PIGK: variants seen among roughly 807,000 people sequenced by gnomAD.
PIGK encodes the protein phosphatidylinositol glycan anchor biosynthesis class K.
Under a neutral mutation model 50.6 loss-of-function variants are expected in PIGK, and 42 were observed. That is an observed-to-expected ratio of 0.83 (90% CI 0.65 to 1.07). PIGK has a LOEUF of 1.07. PIGK is among the 50% of genes least tolerant of loss of function. The pLI, the probability that PIGK is intolerant of heterozygous loss-of-function variation, is 0.00. For missense variants in PIGK, 448 were observed against 488.7 expected, an observed-to-expected ratio of 0.92 and a Z score of 0.78; for synonymous variants, 151 against 156.0, an observed-to-expected ratio of 0.97 and a Z score of 0.24.
intron 10 of PIGK, among the ~76,000 whole-genome samples, chr1:77,103,437 A>T (rs970245843): frequency 6.6e-6 from 1 of 152,214 alleles, no homozygotes; most frequent in African/African-American, 2.4e-5. Flanking sequence ...AATCAGAGTT[A>T]TGCTTCCACC....
intron 3 of PIGK, among the ~76,000 whole-genome samples, chr1:77,199,477 G>T (rs1450913849): frequency 6.6e-6 from 1 of 151,924 alleles, no homozygotes; most frequent in African/African-American, 2.4e-5. Context: ...ATTGTACATT[G>T]CAAATTATTT....
chr1:77,217,244 AC>A (rs1656589092), intron 1 of PIGK, among the ~76,000 whole-genome samples: 1 of 152,208 alleles, frequency 6.6e-6, no homozygotes. Context: ...ATAAGGAAAG[AC>A]ACACAATATA....
chr1:77,138,360 A>G (rs1359447578), intron 9 of PIGK, among the ~76,000 whole-genome samples: 1 of 152,212 alleles, frequency 6.6e-6, no homozygotes, highest in Non-Finnish European at 1.5e-5. Context: ...CTGCCTTTGG[A>G]GGGGCCATGA....
intron 9 of PIGK, among the ~76,000 whole-genome samples, chr1:77,137,600 T>A (rs181726828): frequency 1.4e-5 from 2 of 141,400 alleles, no homozygotes; most frequent in South Asian, 3.3e-4. Context: ...CTTTTATTTG[T>A]ATTTTATTTT....
intron 10 of PIGK, among the ~76,000 whole-genome samples, chr1:77,117,805 G>A (rs902088666): frequency 1.3e-5 from 2 of 151,460 alleles, no homozygotes. Flanking sequence ...TTTCATTTTA[G>A]TAGTGTTCTT....
chr1:77,209,942 T>C (rs764883950), intron 2 of PIGK, among the ~76,000 whole-genome samples: 1 of 152,046 alleles, frequency 6.6e-6, no homozygotes, highest in Non-Finnish European at 1.5e-5. Flanking sequence ...TTGAAGCCAT[T>C]TTCCCTGTCT....
At chr1:77,127,540 T>C (rs893018504) in intron 9 of PIGK, among the ~76,000 whole-genome samples, 7 of 152,066 alleles carry the variant, frequency 4.6e-5, no homozygotes, top group African/African-American at 1.7e-4. Context: ...CACAAATAAA[T>C]AAACATAAAA....
At chr1:77,116,246 C>G (rs1011137922) in intron 10 of PIGK, among the ~76,000 whole-genome samples, 1 of 151,904 alleles carries the variant, frequency 6.6e-6, no homozygotes, top group Non-Finnish European at 1.5e-5. Flanking sequence ...AGCAGTGGCA[C>G]GATCTCGGCT....
rs1307084351 is a variant in PIGK, at chr1:77,108,364, C to G, written c.1071+13911G>C. Among the ~76,000 whole-genome samples the G allele has an allele frequency of 9.9e-5, 15 of 152,048 alleles. 1 individual carries two copies. The highest frequency in any genetic ancestry group is 3.3e-4 in the Admixed American group (5 of 15,264). On this transcript the variant is annotated intron_variant, in intron 10 of 10. Coordinates refer to ENST00000370812, the MANE Select transcript of PIGK (RefSeq NM_005482.3). Reference sequence around the variant, plus strand: ...TCACTTATGAAGCTTAGTTTGGCTGCATATGAAATTCTGGGTTGAAAATTC... The same window carrying G: ...TCACTTATGAAGCTTAGTTTGGCTGGATATGAAATTCTGGGTTGAAAATTC...
At chr1:77,183,723 G>A (rs1655674291) in intron 3 of PIGK, among the ~76,000 whole-genome samples, 2 of 152,098 alleles carry the variant, frequency 1.3e-5, no homozygotes, top group South Asian at 2.1e-4. Flanking sequence ...TCGAGGAGGG[G>A]GAGTTCTAAT....
At chr1:77,171,967 T>C (rs1330447821) in intron 3 of PIGK, among the ~76,000 whole-genome samples, 1 of 148,720 alleles carries the variant, frequency 6.7e-6, no homozygotes, top group Non-Finnish European at 1.5e-5. Context: ...AAACTAATAA[T>C]ACCCTAAAAA....
At chr1:77,215,044 A>AT (rs1656521321) in intron 1 of PIGK, among the ~76,000 whole-genome samples, 1 of 152,156 alleles carries the variant, frequency 6.6e-6, no homozygotes, top group South Asian at 2.1e-4. Context: ...TGGAAGAATA[A>AT]ATACTGTATT....
intron 9 of PIGK, among the ~76,000 whole-genome samples, chr1:77,133,804 C>G (rs908587996): frequency 3.3e-5 from 5 of 152,194 alleles, no homozygotes; most frequent in Non-Finnish European, 7.3e-5. Flanking sequence ...TGTCTCAACA[C>G]AGAGAGAGTA....
In PIGK at chr1:77,120,568, G is replaced by A. The variant is rs183288926; in HGVS notation, c.1071+1707C>T. On this transcript the variant is annotated intron_variant, in intron 10 of 10. Coordinates refer to ENST00000370812, the MANE Select transcript of PIGK (RefSeq NM_005482.3). ...GACTTATCAGTTAATTTCTGGCAAC[G>A]TAACTCTTATGTTTCTAAAAGACCA... Among the ~76,000 whole-genome samples, 246 of 152,212 alleles carry A rather than the reference G, an allele frequency of 1.6e-3. 1 individual carries two copies. Among genetic ancestry groups the A allele is most frequent in the Non-Finnish European group, 3.0e-3 (203 of 68,006 alleles).
intron 9 of PIGK, among the ~76,000 whole-genome samples, chr1:77,152,052 C>T (rs1481759411): frequency 6.6e-6 from 1 of 152,042 alleles, no homozygotes; most frequent in African/African-American, 2.4e-5. Flanking sequence ...TAAAGCAACC[C>T]TGAGCAAGAA....
chr1:77,188,568 G>A (rs111639323), intron 3 of PIGK, among the ~76,000 whole-genome samples: 5,732 of 152,124 alleles, frequency 0.038, 206 homozygotes, highest in South Asian at 0.21. Context: ...CTGTGATCTC[G>A]CCCTGCCTCC....
At chr1:77,174,578 G>C (rs893470548) in intron 3 of PIGK, among the ~76,000 whole-genome samples, 1 of 152,128 alleles carries the variant, frequency 6.6e-6, no homozygotes, top group Admixed American at 6.5e-5. Context: ...GCTAATGGCA[G>C]TTATGGGGAG....
intron 10 of PIGK, among the ~76,000 whole-genome samples, chr1:77,113,924 T>C (rs1653909093): frequency 1.3e-5 from 2 of 152,078 alleles, no homozygotes; most frequent in South Asian, 4.1e-4. Context: ...TAAACCCTCT[T>C]TGGGAAGTCA....
chr1:77,216,324 A>G (rs949916191), intron 1 of PIGK, among the ~76,000 whole-genome samples: 2 of 152,190 alleles, frequency 1.3e-5, no homozygotes, highest in Admixed American at 1.3e-4. Flanking sequence ...GAGATTTGTG[A>G]AATATCATTA....
Sources: gnomAD v4.1 joint callset for allele counts (sites outside exome capture counted in the v4.1 genomes callset) on GRCh38, gnomAD v4.1.1 for gene constraint, MANE v1.5 for transcripts, NCBI Gene and HGNC (gene_info 2026-07-23, HGNC 2026-07-21) for gene names.